The following PLCXD3 variants were observed in gnomAD, a reference collection of about 807,000 sequenced individuals.
PLCXD3 encodes phosphatidylinositol specific phospholipase C X domain containing 3, also known as PI-PLC X domain-containing protein 3.
In PLCXD3, 19 loss-of-function variants were observed where a neutral mutation model predicts 25.5. The observed-to-expected ratio is 0.75, with a 90% CI of 0.52 to 1.09. The LOEUF (loss-of-function observed/expected upper bound fraction) is 1.09, where lower values mean the gene tolerates loss of function less well. Ranked by LOEUF, PLCXD3 falls within the 50% of genes least tolerant of loss-of-function variation. The pLI is 0.00. For missense variants in PLCXD3, 411 were observed against 388.1 expected (o/e 1.06, Z -0.50); for synonymous variants, 174 against 137.6 (o/e 1.26, Z -1.85).
At chr5:41,393,082 A>G (rs921843560) in intron 1 of PLCXD3, among the ~76,000 whole-genome samples, 2 of 152,210 alleles carry the variant, frequency 1.3e-5, no homozygotes, top group South Asian at 4.1e-4. Flanking sequence ...TAGCACCAAA[A>G]GGGCAAATCT....
chr5:41,316,642 G>T (rs1743303956), intron 2 of PLCXD3, among the ~76,000 whole-genome samples: 1 of 152,166 alleles, frequency 6.6e-6, no homozygotes, highest in Non-Finnish European at 1.5e-5. Flanking sequence ...TGAAGGGTGA[G>T]TCCCAGGCTA....
chr5:41,436,554 G>A (rs1250758156), intron 1 of PLCXD3, among the ~76,000 whole-genome samples: 1 of 152,132 alleles, frequency 6.6e-6, no homozygotes. Context: ...GCACCTCTTT[G>A]TAATGGCATT....
intron 1 of PLCXD3, among the ~76,000 whole-genome samples, chr5:41,402,833 G>A (rs975208625): frequency 4.0e-5 from 6 of 151,678 alleles, no homozygotes; most frequent in Non-Finnish European, 8.8e-5. Flanking sequence ...CCTTGTCCTG[G>A]ATATTAATAT....
rs943489484 is a variant in PLCXD3, at chr5:41,313,322, C to G, written c.*295G>C. 4 of 318,224 alleles carry G rather than the reference C, an allele frequency of 1.3e-5. No homozygotes were observed. Among genetic ancestry groups the G allele is most frequent in the South Asian group, 6.9e-5 (2 of 28,918 alleles). 19.7% of individuals were successfully genotyped at this position (318,224 alleles called of 1,614,324 possible). ...AATAGAGAACCTAATCAAGTAAACA[C>G]TCATGAATTCTATGTTACAAAGACT... On this transcript the variant is annotated 3_prime_UTR_variant, in exon 3 of 3. Transcript: ENST00000377801.
intron 1 of PLCXD3, among the ~76,000 whole-genome samples, chr5:41,383,223 TTTAAA>T (rs1745536345): frequency 6.6e-6 from 1 of 152,086 alleles, no homozygotes; most frequent in African/African-American, 2.4e-5. Flanking sequence ...ATTAACAGCA[TTTAAA>T]AATTGACAGC....
intron 1 of PLCXD3, among the ~76,000 whole-genome samples, chr5:41,428,805 G>A (rs760038103): frequency 1.2e-4 from 19 of 152,014 alleles, no homozygotes; most frequent in Non-Finnish European, 2.1e-4. Flanking sequence ...TTTTAGAGAC[G>A]CTTCATGCAC....
chr5:41,509,567 C>T (rs1335007268), intron 1 of PLCXD3, among the ~76,000 whole-genome samples: 2 of 152,228 alleles, frequency 1.3e-5, no homozygotes, highest in Non-Finnish European at 2.9e-5. Flanking sequence ...TTTGTCCACG[C>T]TTCTTTCCTT....
At chr5:41,318,333 C>A (rs1743361016) in intron 2 of PLCXD3, among the ~76,000 whole-genome samples, 1 of 152,032 alleles carries the variant, frequency 6.6e-6, no homozygotes, top group South Asian at 2.1e-4. Context: ...CTACTCTTAT[C>A]CTTAGTAGAA....
At chr5:41,423,175 TTTA>T (rs1373073320) in intron 1 of PLCXD3, among the ~76,000 whole-genome samples, 7 of 152,146 alleles carry the variant, frequency 4.6e-5, no homozygotes, top group African/African-American at 1.7e-4. Context: ...CTGACTTTGA[TTTA>T]TTATTTTATT....
intron 1 of PLCXD3, among the ~76,000 whole-genome samples, chr5:41,436,233 A>C (rs529115201): frequency 5.9e-4 from 89 of 151,936 alleles, no homozygotes; most frequent in African/African-American, 2.1e-3. Flanking sequence ...TATCTAGTAT[A>C]GCAGTTTTAA....
At chr5:41,349,900 T>A (rs1744402468) in intron 2 of PLCXD3, among the ~76,000 whole-genome samples, 1 of 152,160 alleles carries the variant, frequency 6.6e-6, no homozygotes, top group African/African-American at 2.4e-5. Context: ...AGTTCTGGAA[T>A]GTCCTAGTAA....
intron 1 of PLCXD3, among the ~76,000 whole-genome samples, chr5:41,498,378 T>A (rs1352854700): frequency 6.6e-6 from 1 of 151,464 alleles, no homozygotes; most frequent in Non-Finnish European, 1.5e-5. Flanking sequence ...TATAAGATGC[T>A]ACTATAAACA....
At chr5:41,439,819 G>T (rs2150511201) in intron 1 of PLCXD3, among the ~76,000 whole-genome samples, 1 of 152,216 alleles carries the variant, frequency 6.6e-6, no homozygotes, top group African/African-American at 2.4e-5. Flanking sequence ...CTGTTGACTT[G>T]ATTATTGGTC....
At chr5:41,489,397 T>A (rs1330526354) in intron 1 of PLCXD3, among the ~76,000 whole-genome samples, 1 of 152,076 alleles carries the variant, frequency 6.6e-6, no homozygotes, top group Non-Finnish European at 1.5e-5. Flanking sequence ...GGCTTAGGAT[T>A]GACTTGGCGA....
chr5:41,414,097 G>A (rs1561266369), intron 1 of PLCXD3, among the ~76,000 whole-genome samples: 3 of 152,158 alleles, frequency 2.0e-5, no homozygotes, highest in Admixed American at 6.5e-5. Context: ...AGACCCACAT[G>A]CTGTACTATA....
rs997634714 is a variant in PLCXD3 at position 41,312,692 on chromosome 5, C to T, written c.*925G>A. On this transcript the variant is annotated 3_prime_UTR_variant, in exon 3 of 3. Coordinates refer to ENST00000377801, the MANE Select transcript of PLCXD3 (RefSeq NM_001005473.3). ...CCTCCCTTCCTTTCTTCCTTTCCTT[C>T]CTTCCTTCCTTCCTTCCTTCCTTCC... The T allele has an allele frequency of 8.9e-6, 1 of 111,876 alleles. No individual in the cohort carries two copies. The highest frequency in any genetic ancestry group is 1.9e-5 in the Non-Finnish European group (1 of 54,014). 6.9% of individuals were successfully genotyped at this position (111,876 alleles called of 1,614,324 possible).
chr5:41,320,153 G>A (rs73075974), intron 2 of PLCXD3, among the ~76,000 whole-genome samples: 5,527 of 151,994 alleles, frequency 0.036, 342 homozygotes, highest in African/African-American at 0.13. Flanking sequence ...ACCTGATGGC[G>A]TCACTGCCTA....
At chr5:41,501,585 T>C (rs1029444454) in intron 1 of PLCXD3, among the ~76,000 whole-genome samples, 1 of 152,034 alleles carries the variant, frequency 6.6e-6, no homozygotes, top group Non-Finnish European at 1.5e-5. Flanking sequence ...GTTTTAGTCA[T>C]GCAAGATGAA....
chr5:41,372,277 TTCTCTC>T (rs745662352), intron 2 of PLCXD3, among the ~76,000 whole-genome samples: 3 of 129,366 alleles, frequency 2.3e-5, no homozygotes, highest in Non-Finnish European at 4.9e-5. Flanking sequence ...TATGTATTCA[TTCTCTC>T]TCTCTCTCTC....
Sources: allele counts gnomAD v4.1 joint callset (sites outside exome capture counted in the v4.1 genomes callset), GRCh38; gene constraint gnomAD v4.1.1; transcripts MANE v1.5; gene names NCBI Gene and HGNC (gene_info 2026-07-23, HGNC 2026-07-21).